The following HNRNPM variants were observed in gnomAD, a reference collection of about 807,000 sequenced individuals.
HNRNPM encodes the protein heterogeneous nuclear ribonucleoprotein M.
A neutral mutation model predicts 73.1 loss-of-function variants in HNRNPM; 11 were observed. The ratio of observed to expected loss-of-function variants is 0.15; its 90% CI spans 0.09 to 0.25. The LOEUF is 0.25. Ranked by LOEUF, HNRNPM falls within the 10% of genes least tolerant of loss-of-function variation. The pLI, the probability that HNRNPM is intolerant of heterozygous loss-of-function variation, is 1.00. For missense variants in HNRNPM, 789 were observed against 1,067.9 expected (o/e 0.74, Z 3.64); for synonymous variants, 407 against 355.2 (o/e 1.15, Z -1.64).
At chr19:8,460,967 T>A (rs142831360) in intron 2 of HNRNPM, among the ~76,000 whole-genome samples, 1 of 152,222 alleles carries the variant, frequency 6.6e-6, no homozygotes, top group Non-Finnish European at 1.5e-5. Context: ...TGCTTTACTT[T>A]TTAAGGGTTA....
At chr19:8,486,925 A>G (rs887874987) in intron 14 of HNRNPM, 99 bp from the exon 15 acceptor site, 20 of 901,202 alleles carry the variant, frequency 2.2e-5, no homozygotes, top group Middle Eastern at 4.3e-4. Context: ...GCTTCTCGGT[A>G]TAGTGAGAAA....
At position 8,465,701 on chromosome 19, in the gene HNRNPM, C is replaced by T. The variant is rs187239094; in HGVS notation, c.630+186C>T. 1.9e-4 allele frequency among the ~76,000 whole-genome samples: 29 copies of T among 152,232 alleles called. No homozygotes were observed. In the East Asian group the frequency reaches 5.2e-3, roughly 27 times the overall value. On this transcript the variant is annotated intron_variant, in intron 6 of 15. Coordinates refer to ENST00000325495, the MANE Select transcript of HNRNPM (RefSeq NM_005968.5). ...TGCATTCCTAAGTCACAGGCTTGAC[C>T]GTGGTCTCGTTGGGGCTGTGATTCC...
chr19:8,467,615 AC>A, intron 8 of HNRNPM, 31 bp downstream of exon 8: 6 of 1,501,818 alleles, frequency 4.0e-6, no homozygotes, highest in Non-Finnish European at 5.6e-6. Flanking sequence ...TCTGTGATAT[AC>A]TCAAGTCTAG....
In HNRNPM at chr19:8,471,439, A is replaced by G. The variant is rs1228452359; in HGVS notation, c.997+12A>G. On this transcript the variant is annotated intron_variant, in intron 10 of 15. Transcript: ENST00000325495. ...CATAGGTCCCGCAGGTGAGAATGAC[A>G]GTGCACCTTGCTTGGTGGTTTGGGG... 2.6e-6 allele frequency: 4 copies of G among 1,515,772 alleles called. No homozygotes were observed. Among genetic ancestry groups the G allele is most frequent in the Non-Finnish European group, 3.6e-6 (4 of 1,107,662 alleles). The allele number at this position is 1,515,772 out of a possible 1,614,324, so 93.9% of individuals were successfully genotyped here. A position where few individuals can be genotyped will look rare whatever the true frequency, so the allele number is the denominator to read the frequency against.
intron 15 of HNRNPM, chr19:8,488,365 C>T (rs1354973516): frequency 4.1e-6 from 1 of 243,510 alleles, no homozygotes; most frequent in Non-Finnish European, 8.2e-6. Context: ...TAACCAGGGG[C>T]GGTGGCATAT....
At chr19:8,483,464 G>GT (rs1389646557) in intron 13 of HNRNPM, among the ~76,000 whole-genome samples, 2 of 152,276 alleles carry the variant, frequency 1.3e-5, no homozygotes, top group African/African-American at 4.8e-5. Context: ...ATGTGAAAGA[G>GT]TGCTTCCGCA....
Position 8,477,455 on chromosome 19 carries a change from C to T in HNRNPM, c.1120+3211C>T, listed in dbSNP as rs542343444. ...GGAGGATCACTTGAGCTCAGGAGTT[C>T]AAGACCAGCCAGGGCAACATAGTGA... On this transcript the variant is annotated intron_variant, in intron 12 of 15. Transcript: ENST00000325495. Among the ~76,000 whole-genome samples, 210 of 151,984 alleles carry T rather than the reference C, an allele frequency of 1.4e-3. 1 individual carries two copies. Among genetic ancestry groups the T allele is most frequent in the African/African-American group, 4.7e-3 (196 of 41,438 alleles).
Position 8,486,189 on chromosome 19 carries a change from C to G in HNRNPM, c.1761C>G (p.Asn587Lys). The stretch of plus-strand genomic sequence containing the variant: ...TGGGCCTGGAGCGCATGGGTGCCAA[C>G]AGCCTCGAGCGCATGGGCCCTGCCA... ...ERMGLERMGA[N>K]SLERMGPAMG... is the part of the protein sequence containing the mutation. The change falls in exon 14 of 16, where the codon AAC becomes AAG. Residue 587 changes from asparagine (N) to lysine (K), a missense_variant. Transcript: ENST00000325495. 6.3e-7 allele frequency: 1 copy of G among 1,584,328 alleles called. No individual in the cohort carries two copies. The highest frequency in any genetic ancestry group is 8.6e-7 in the Non-Finnish European group (1 of 1,163,934).
In HNRNPM at chr19:8,444,982, G is replaced by C; in HGVS notation, c.-17G>C. On this transcript the variant is annotated 5_prime_UTR_variant, in exon 1 of 16. Transcript: ENST00000325495. ...GGTGCAGCCCGTTCGCTCACACAAA[G>C]CCCAGACGCGGAGAAAATGGCGGCA... 7.2e-7 allele frequency: 1 copy of C among 1,397,472 alleles called. No homozygotes were observed. Among genetic ancestry groups the C allele is most frequent in the Middle Eastern group, 2.1e-4 (1 of 4,778 alleles). 86.6% of individuals were successfully genotyped at this position (1,397,472 alleles called of 1,614,324 possible).
intron 1 of HNRNPM, among the ~76,000 whole-genome samples, chr19:8,451,431 T>G (rs1968615502): frequency 6.6e-6 from 1 of 152,166 alleles, no homozygotes; most frequent in South Asian, 2.1e-4. Context: ...AATTTTGTCC[T>G]GAAGATAGTG....
In HNRNPM at chr19:8,485,724, C is replaced by G; in HGVS notation, c.1296C>G (p.Ser432=). 6.2e-7 allele frequency: 1 copy of G among 1,606,314 alleles called. No individual in the cohort carries two copies. Among genetic ancestry groups the G allele is most frequent in the Admixed American group, 1.7e-5 (1 of 59,958 alleles). The change falls in exon 14 of 16, where the codon TCC becomes TCG. Residue 432 remains serine (S), a synonymous_variant. Coordinates refer to ENST00000325495, the MANE Select transcript of HNRNPM (RefSeq NM_005968.5). ...GLGHGMDRVG[S]EIERMGLVMD... is the part of the protein sequence containing the mutation. Reference sequence around the variant, plus strand: ...GCCACGGCATGGATCGCGTGGGCTCCGAGATCGAGCGCATGGGCCTGGTCA... The same window carrying G: ...GCCACGGCATGGATCGCGTGGGCTCGGAGATCGAGCGCATGGGCCTGGTCA...
chr19:8,445,483 C>A (rs1431812403), intron 1 of HNRNPM: 6 of 178,838 alleles, frequency 3.4e-5, no homozygotes, highest in African/African-American at 4.7e-5. Flanking sequence ...GGGTTTCAGC[C>A]CCCCGTCCCC....
chr19:8,447,330 C>G (rs898006744), intron 1 of HNRNPM, among the ~76,000 whole-genome samples: 5 of 149,360 alleles, frequency 3.3e-5, no homozygotes, highest in Non-Finnish European at 5.9e-5. Context: ...GCACTCCATG[C>G]AGAGTGGAGA....
intron 13 of HNRNPM, among the ~76,000 whole-genome samples, chr19:8,484,317 C>T (rs139237031): frequency 6.6e-5 from 10 of 152,208 alleles, no homozygotes; most frequent in East Asian, 1.9e-4. Flanking sequence ...GCTGGGACTA[C>T]GGGCGCACGC....
rs1322834906 is a variant in HNRNPM, at chr19:8,483,363, A to G, written c.1174+152A>G. 1.0e-5 allele frequency: 7 copies of G among 677,606 alleles called. No homozygotes were observed. In the Admixed American group the frequency reaches 1.4e-4, roughly 14 times the overall value. 42.0% of individuals were successfully genotyped at this position (677,606 alleles called of 1,614,324 possible). ...TTTTCTAGCTGTGTGACGTTTGGCA[A>G]GTCACTGAACCTCTCTGTTTCTCAT... is the stretch of plus-strand genomic sequence containing the variant. On this transcript the variant is annotated intron_variant, in intron 13 of 15. Transcript: ENST00000325495.
intron 9 of HNRNPM, 67 bp from the exon 10 acceptor site, chr19:8,471,259 C>A: frequency 9.9e-7 from 1 of 1,009,214 alleles, no homozygotes; most frequent in Non-Finnish European, 1.5e-6. Context: ...ACTAAACACT[C>A]TTTTCCTTTG....
At chr19:8,483,939 G>T (rs564771491) in intron 13 of HNRNPM, among the ~76,000 whole-genome samples, 132 of 150,948 alleles carry the variant, frequency 8.7e-4, no homozygotes, top group African/African-American at 2.7e-3. Flanking sequence ...CTAATTTTTT[G>T]ATTTTTTTTG....
chr19:8,473,908 T>G (rs1970329835), intron 11 of HNRNPM, among the ~76,000 whole-genome samples, 200 bp downstream of exon 11: 2 of 152,076 alleles, frequency 1.3e-5, no homozygotes, highest in African/African-American at 4.8e-5. Context: ...ACTAGCTCTG[T>G]GACCTTGGGC....
At chr19:8,453,205 G>A (rs1404530607) in intron 1 of HNRNPM, among the ~76,000 whole-genome samples, 4 of 151,890 alleles carry the variant, frequency 2.6e-5, no homozygotes, top group African/African-American at 7.3e-5. Flanking sequence ...GCAGTGGTGC[G>A]GTCTCAGCTC....
Sources: gnomAD v4.1 joint callset for allele counts (sites outside exome capture counted in the v4.1 genomes callset) on GRCh38, gnomAD v4.1.1 for gene constraint, MANE v1.5 for transcripts, NCBI Gene and HGNC (gene_info 2026-07-23, HGNC 2026-07-21) for gene names.